The following DHRS4L2 variants were observed in gnomAD, a reference collection of about 807,000 sequenced individuals.
The protein encoded by DHRS4L2 is dehydrogenase/reductase 4 like 2.
In DHRS4L2, 22 loss-of-function variants were observed where a neutral mutation model predicts 23.9. That is an observed-to-expected ratio of 0.92 (90% CI 0.66 to 1.31). DHRS4L2 has a LOEUF of 1.31. DHRS4L2 is among the 40% of genes most tolerant of loss of function. The probability of loss-of-function intolerance (pLI) is 0.00; values close to 1 mark genes in which losing one functional copy is unlikely to be tolerated. For missense variants in DHRS4L2, 385 were observed against 303.3 expected, an observed-to-expected ratio of 1.27 and a Z score of -2.00; for synonymous variants, 141 against 123.7, an observed-to-expected ratio of 1.14 and a Z score of -0.93.
chr14:24,000,281 G>A (rs1481789535), intron 3 of DHRS4L2, among the ~76,000 whole-genome samples: 1 of 149,454 alleles, frequency 6.7e-6, no homozygotes, highest in Non-Finnish European at 1.5e-5. Flanking sequence ...TCATACATTT[G>A]TTTTAGATTA....
chr14:23,991,021 C>T, intron 2 of DHRS4L2: 1 of 445,612 alleles, frequency 2.2e-6, no homozygotes, highest in Non-Finnish European at 3.0e-6. Context: ...AACAGCCTTG[C>T]AGCTGCTGAA....
Position 23,995,136 on chromosome 14 carries a change from G to A in DHRS4L2, c.408+3G>A, listed in dbSNP as rs1163517985. 6.2e-7 allele frequency: 1 copy of A among 1,612,482 alleles called. No homozygotes were observed. Among genetic ancestry groups the A allele is most frequent in the Non-Finnish European group, 8.5e-7 (1 of 1,179,232 alleles). On this transcript the variant is annotated splice_donor_region_variant and intron_variant, in intron 3 of 7. Coordinates refer to ENST00000335125, the MANE Select transcript of DHRS4L2 (RefSeq NM_198083.4). ...TCACCGAGGAGGTGTGGGACAAGGT[G>A]AGAGGGGATTAAAGAAGCGCGGAAG... is the stretch of plus-strand genomic sequence containing the variant.
chr14:23,996,947 T>C (rs2034395616), intron 3 of DHRS4L2, among the ~76,000 whole-genome samples: 1 of 151,888 alleles, frequency 6.6e-6, no homozygotes, highest in Non-Finnish European at 1.5e-5. Flanking sequence ...ATTCTGATAG[T>C]CTTTAAAATA....
intron 1 of DHRS4L2, among the ~76,000 whole-genome samples, chr14:23,983,212 A>G (rs2034083188): frequency 6.6e-6 from 1 of 151,758 alleles, no homozygotes; most frequent in African/African-American, 2.4e-5. Flanking sequence ...CCCATCAAAA[A>G]GTGGGCTAAG....
At chr14:23,992,419 C>T (rs922120470) in intron 2 of DHRS4L2, among the ~76,000 whole-genome samples, 2 of 151,510 alleles carry the variant, frequency 1.3e-5, no homozygotes, top group Non-Finnish European at 2.9e-5. Flanking sequence ...GAATACTTGT[C>T]AGCAATTTGA....
Position 24,001,025 on chromosome 14 carries a change from T to C in DHRS4L2, c.480-8T>C. 1.2e-6 allele frequency: 2 copies of C among 1,611,402 alleles called. No individual in the cohort carries two copies. The highest frequency in any genetic ancestry group is 1.7e-6 in the Non-Finnish European group (2 of 1,179,474). ...CTGGGAAGACGGTCAGCTCTCTTCT[T>C]TTTCCAGAGGCGGCTCAGTGGTGAT... is the stretch of plus-strand genomic sequence containing the variant. On this transcript the variant is annotated splice_polypyrimidine_tract_variant and splice_region_variant and intron_variant, in intron 4 of 7. Coordinates refer to ENST00000335125, the MANE Select transcript of DHRS4L2 (RefSeq NM_198083.4).
At position 23,988,954 on chromosome 14, in the gene DHRS4L2, A is replaced by T; in HGVS notation, c.7A>T (p.Met3Leu). Residue 3 changes from methionine to leucine, a missense_variant, in exon 1 of 8, where the codon ATG (methionine) becomes TTG (leucine). By Grantham distance (15) the Met-to-Leu change is conservative. Transcript: ENST00000335125. ...AGACTTGCTGGTCTGATCCATGCAG[A>T]TGGCCAGGCTGCTAGGCCTCTGTGC... Reference protein sequence around the residue: MQMARLLGLCAWA... With the variant: MQLARLLGLCAWA... The T allele has an allele frequency of 1.2e-6, 2 of 1,612,042 alleles. No homozygotes were observed. The highest frequency in any genetic ancestry group is 1.7e-6 in the Non-Finnish European group (2 of 1,179,098).
intron 6 of DHRS4L2, among the ~76,000 whole-genome samples, chr14:24,004,126 C>T (rs1167555541): frequency 3.4e-4 from 50 of 146,772 alleles, no homozygotes; most frequent in Admixed American, 1.1e-3. Flanking sequence ...AAAAATTAGC[C>T]GGGCGCAGTG....
intron 7 of DHRS4L2, among the ~76,000 whole-genome samples, chr14:24,005,622 G>A (rs1456614365): frequency 6.6e-6 from 1 of 151,926 alleles, no homozygotes; most frequent in East Asian, 1.9e-4. Context: ...TTGGATTTTG[G>A]TGTCCTGAGC....
chr14:24,004,686 A>AC, intron 7 of DHRS4L2: 1 of 549,006 alleles, frequency 1.8e-6, no homozygotes, highest in Non-Finnish European at 3.2e-6. Flanking sequence ...ATCCATGGAG[A>AC]CCAGGGACCA....
Position 24,001,034 on chromosome 14 carries a change from G to A in DHRS4L2, c.481G>A (p.Gly161Ser), listed in dbSNP as rs372329309. ...CGGTCAGCTCTCTTCTTTTTCCAGA[G>A]GCGGCTCAGTGGTGATCGTGTCTTC... is the stretch of plus-strand genomic sequence containing the variant. ...AVVPEMEKRG[G>S]GSVVIVSSIA... Residue 161 changes from glycine to serine, a missense_variant and splice_region_variant, in exon 5 of 8, where the codon GGC becomes AGC. Transcript: ENST00000335125. 353 of 1,611,378 alleles carry A rather than the reference G, an allele frequency of 2.2e-4. 5 individuals carry two copies. The highest frequency in any genetic ancestry group is 2.7e-4 in the Non-Finnish European group (324 of 1,179,494).
chr14:23,981,076 A>T lies in DHRS4L2; in HGVS notation c.-175-9106A>T, dbSNP rs187990707. ...GAAAACGCCATCATCTCAGCTCAAA[A>T]TCTCCTTAAGCTGATAAGCAACTTC... On this transcript the variant is annotated intron_variant, in intron 1 of 5. Coordinates refer to the DHRS4L2 transcript ENST00000534993. Among the ~76,000 whole-genome samples, 2 of 151,808 alleles carry T rather than the reference A, an allele frequency of 1.3e-5. 1 individual carries two copies. The highest frequency in any genetic ancestry group is 4.8e-5 in the African/African-American group (2 of 41,368).
chr14:23,986,804 T>C (rs559381841), upstream of DHRS4L2, among the ~76,000 whole-genome samples: 12 of 150,066 alleles, frequency 8.0e-5, 1 homozygote, highest in South Asian at 4.3e-4. Context: ...CTGTGTACCC[T>C]CCCCCCAGCC....
intron 3 of DHRS4L2, among the ~76,000 whole-genome samples, chr14:23,997,075 T>G (rs1348879025): frequency 6.7e-6 from 1 of 148,940 alleles, no homozygotes; most frequent in Non-Finnish European, 1.5e-5. Context: ...CACAATAAAG[T>G]GAATATTATA....
intron 7 of DHRS4L2, chr14:24,004,682 G>A (rs2034540140): frequency 5.3e-6 from 3 of 563,940 alleles, no homozygotes. Flanking sequence ...GAGCATCCAT[G>A]GAGACCAGGG....
chr14:23,992,370 A>G (rs1019416030), intron 2 of DHRS4L2, among the ~76,000 whole-genome samples: 9 of 151,632 alleles, frequency 5.9e-5, no homozygotes, highest in African/African-American at 1.9e-4. Flanking sequence ...AATGACTCTC[A>G]GGTAGTTTGT....
At chr14:23,985,409 C>T (rs189888802), upstream of DHRS4L2, among the ~76,000 whole-genome samples, 38 of 151,852 alleles carry the variant, frequency 2.5e-4, 1 homozygote, top group African/African-American at 8.2e-4. Flanking sequence ...CCTAATCCCA[C>T]ACCAGCCCTT....
At chr14:23,974,904 C>T (rs1036627731) in intron 1 of DHRS4L2, among the ~76,000 whole-genome samples, 5 of 151,760 alleles carry the variant, frequency 3.3e-5, no homozygotes, top group Admixed American at 2.6e-4. Flanking sequence ...TTTTATAATG[C>T]CAGAATCATC....
rs1383327183 is a variant in DHRS4L2, at chr14:23,998,265, G to A, written c.409-2598G>A. 2.1e-4 allele frequency among the ~76,000 whole-genome samples: 32 copies of A among 151,958 alleles called. No homozygotes were observed. The East Asian group carries it at 2.9e-3, about 14-fold the overall frequency. Reference sequence around the variant, plus strand: ...AGAGCACAGGCAGAGTAGATTTAGCGTAAATCTTGAGAGCCCTAGAATTTT... The same window carrying A: ...AGAGCACAGGCAGAGTAGATTTAGCATAAATCTTGAGAGCCCTAGAATTTT... On this transcript the variant is annotated intron_variant, in intron 3 of 7. Transcript: ENST00000335125.
Sources: gnomAD v4.1 joint callset for allele counts (sites outside exome capture counted in the v4.1 genomes callset) on GRCh38, gnomAD v4.1.1 for gene constraint, MANE v1.5 for transcripts, NCBI Gene and HGNC (gene_info 2026-07-23, HGNC 2026-07-21) for gene names.